Variants in WDR88 observed in about 807,000 individuals in gnomAD.
WDR88 encodes WD repeat domain 88.
Under a neutral mutation model 46.8 loss-of-function variants are expected in WDR88, and 40 were observed. That is an observed-to-expected ratio of 0.86 (90% CI 0.66 to 1.11). The LOEUF is 1.11. WDR88 is among the 50% of genes most tolerant of loss of function. WDR88 has a pLI of 0.00. For synonymous variants in WDR88, 235 were observed against 240.7 expected (o/e 0.98, Z 0.22); for missense variants, 562 against 602.4 (o/e 0.93, Z 0.70).
In WDR88 at chr19:33,161,221, G is replaced by A. The variant is rs116935381; in HGVS notation, c.1080+725G>A. On this transcript the variant is annotated intron_variant, in intron 8 of 10. Coordinates refer to ENST00000355868, the MANE Select transcript of WDR88 (RefSeq NM_173479.4). ...AACAGAAATTACCTTGAAGAGAGAC[G>A]CATGCCCTAGTGAGGCATGCACAGA... Among the ~76,000 whole-genome samples, 1,196 of 152,202 alleles carry A rather than the reference G, an allele frequency of 7.9e-3. 9 individuals carry two copies. The highest frequency in any genetic ancestry group is 0.034 in the Middle Eastern group (10 of 294).
intron 2 of WDR88, 143 bp downstream of exon 2, chr19:33,137,930 G>A (rs1973308573): frequency 3.0e-6 from 2 of 673,218 alleles, no homozygotes; most frequent in Non-Finnish European, 4.9e-6. Context: ...GCCAGAAGGA[G>A]GAGAGGGTGA....
In WDR88 at chr19:33,148,903, C is replaced by T; in HGVS notation, c.672C>T (p.Val224=). ...MDAENITTVS[V]IKDHHTRSIT... ...CCGAGAACATCACCACCGTTTCCGTCATCAAAGGTGAGGGTGTGCGGGCTC... is the reference window on the plus strand; with the variant it reads ...CCGAGAACATCACCACCGTTTCCGTTATCAAAGGTGAGGGTGTGCGGGCTC... The change falls in exon 5 of 11, where the codon GTC becomes GTT. Residue 224 remains valine, a synonymous_variant. Coordinates refer to ENST00000355868, the MANE Select transcript of WDR88 (RefSeq NM_173479.4). 6.2e-7 allele frequency: 1 copy of T among 1,614,070 alleles called. No individual in the cohort carries two copies. The highest frequency in any genetic ancestry group is 1.7e-4 in the Middle Eastern group (1 of 6,048).
chr19:33,135,277 C>G (rs909668303), intron 1 of WDR88, among the ~76,000 whole-genome samples: 1 of 152,104 alleles, frequency 6.6e-6, no homozygotes, highest in Non-Finnish European at 1.5e-5. Flanking sequence ...CCTTTTATAG[C>G]GATAGAATCA....
intron 3 of WDR88, among the ~76,000 whole-genome samples, chr19:33,145,412 A>G (rs1003257367): frequency 6.6e-6 from 1 of 152,108 alleles, no homozygotes; most frequent in African/African-American, 2.4e-5. Context: ...GGCATCCCAA[A>G]GTGCTGGAAT....
rs1973738817 is a variant in WDR88 at position 33,156,523 on chromosome 19, C to G, written c.978C>G (p.Ser326=). The G allele has an allele frequency of 6.2e-7, 1 of 1,613,452 alleles. No homozygotes were observed. Among genetic ancestry groups the G allele is most frequent in the African/African-American group, 1.3e-5 (1 of 74,870 alleles). Reference sequence around the variant, plus strand: ...AGGGCCATGAAGGTTCTGTCAGTTCCTGTCACTTTGCCAGAGACAGTGAGT... The same window carrying G: ...AGGGCCATGAAGGTTCTGTCAGTTCGTGTCACTTTGCCAGAGACAGTGAGT... ...LMQGHEGSVS[S]CHFARDSSFL... is the part of the protein sequence containing the mutation. Residue 326 remains serine, a synonymous_variant, in exon 7 of 11, where the codon TCC becomes TCG. Transcript: ENST00000355868.
At chr19:33,134,034 A>G (rs1251339872) in intron 1 of WDR88, among the ~76,000 whole-genome samples, 4 of 152,174 alleles carry the variant, frequency 2.6e-5, no homozygotes, top group Non-Finnish European at 5.9e-5. Flanking sequence ...CTTGAGGTTT[A>G]TTTGTGGAAT....
At chr19:33,141,691 T>C (rs1244524512) in intron 2 of WDR88, among the ~76,000 whole-genome samples, 1 of 152,142 alleles carries the variant, frequency 6.6e-6, no homozygotes, top group African/African-American at 2.4e-5. Context: ...TGTTTGTTTG[T>C]TTTTTTGAGA....
chr19:33,173,049 G>A (rs1370368072), intron 10 of WDR88, among the ~76,000 whole-genome samples: 4 of 130,410 alleles, frequency 3.1e-5, no homozygotes, highest in Middle Eastern at 5.1e-3. Flanking sequence ...TTGAGATTGC[G>A]CCACTGCACT....
At position 33,175,522 on chromosome 19, in the gene WDR88, T is replaced by A. The variant is rs771413024; in HGVS notation, c.1369T>A (p.Ser457Thr). The change falls in exon 11 of 11, where the codon TCA becomes ACA. Residue 457 changes from serine to threonine, a missense_variant. Coordinates refer to ENST00000355868, the MANE Select transcript of WDR88 (RefSeq NM_173479.4). ...LPADTSSSSS[S>T]SERENSPPPR... ...AGCAGATACTTCATCGTCATCATCA[T>A]CATCGGAAAGGGAGAACTCACCGCC... The A allele has an allele frequency of 7.4e-6, 12 of 1,614,224 alleles. No individual in the cohort carries two copies. Among genetic ancestry groups the A allele is most frequent in the Non-Finnish European group, 1.0e-5 (12 of 1,180,038 alleles).
chr19:33,157,328 C>A (rs1157157844), intron 7 of WDR88, among the ~76,000 whole-genome samples: 2 of 151,644 alleles, frequency 1.3e-5, no homozygotes, highest in African/African-American at 4.8e-5. Context: ...GAAACCCCAT[C>A]TCTACTAAAA....
chr19:33,174,146 C>T (rs1301679466), intron 10 of WDR88: 1 of 1,535,630 alleles, frequency 6.5e-7, no homozygotes, highest in Non-Finnish European at 8.7e-7. Flanking sequence ...GCTATCCGCA[C>T]CCAAACTGGG....
Position 33,157,585 on chromosome 19 carries a change from GTA to G in WDR88, c.997+1049_997+1050del, listed in dbSNP as rs1165489381. 1.4e-3 allele frequency among the ~76,000 whole-genome samples: 187 copies of G among 137,136 alleles called. 1 individual carries two copies. The highest frequency in any genetic ancestry group is 4.3e-3 in the African/African-American group (159 of 37,088). 90.0% of individuals were successfully genotyped at this position (137,136 alleles called of 152,430 possible). ...TATATGTATATATGTGTATATATAT[GTA>G]TATATGTGTATATATGTATATATAT... On this transcript the variant is annotated intron_variant, in intron 7 of 10. Coordinates refer to ENST00000355868, the MANE Select transcript of WDR88 (RefSeq NM_173479.4).
At chr19:33,144,489 C>T (rs1030125781) in intron 2 of WDR88, among the ~76,000 whole-genome samples, 1 of 152,132 alleles carries the variant, frequency 6.6e-6, no homozygotes, top group Non-Finnish European at 1.5e-5. Flanking sequence ...CGTGAGCCAC[C>T]GCGCCCGGCC....
chr19:33,172,218 C>A (rs1471355145), intron 9 of WDR88, 130 bp from the exon 10 acceptor site: 5 of 728,084 alleles, frequency 6.9e-6, no homozygotes, highest in Non-Finnish European at 1.2e-5. Flanking sequence ...TATGGCATAA[C>A]AATGTGCATT....
intron 9 of WDR88, among the ~76,000 whole-genome samples, chr19:33,167,452 C>T (rs1256108653): frequency 6.6e-6 from 1 of 152,036 alleles, no homozygotes; most frequent in Non-Finnish European, 1.5e-5. Context: ...AAATCTGCAG[C>T]TAACATGATT....
rs1568355276 is a variant in WDR88, at chr19:33,132,343, C to T, written c.174C>T (p.Leu58=). ...CGCACACGCACCTGCTGGCCACCCT[C>T]GACCCCCTGGCCTTGGACAGGGAAC... ...SIPHTHLLAT[L]DPLALDREPP... is the part of the protein sequence containing the mutation. Residue 58 remains leucine, a synonymous_variant, in exon 1 of 11, where the codon CTC becomes CTT. Transcript: ENST00000355868. 2 of 1,614,002 alleles carry T rather than the reference C, an allele frequency of 1.2e-6. No homozygotes were observed. The highest frequency in any genetic ancestry group is 2.2e-5 in the East Asian group (1 of 44,864).
rs571897581 is a variant in WDR88 at position 33,154,183 on chromosome 19, T to G, written c.810-2172T>G. 3.9e-4 allele frequency among the ~76,000 whole-genome samples: 59 copies of G among 152,218 alleles called. 1 individual carries two copies. In the South Asian group the frequency reaches 9.7e-3, roughly 25 times the overall value. ...ACCTCTGGTTTATTTATTTATTTAT[T>G]TATGTATTTATTTATTTAGAAATTG... On this transcript the variant is annotated intron_variant, in intron 6 of 10. Transcript: ENST00000355868.
intron 10 of WDR88, chr19:33,174,259 A>G (rs1157732137): frequency 6.5e-7 from 1 of 1,535,750 alleles, no homozygotes; most frequent in Non-Finnish European, 8.7e-7. Context: ...AATCAACATG[A>G]GAAGCCTGAG....
intron 9 of WDR88, among the ~76,000 whole-genome samples, chr19:33,167,741 T>TC (rs1173764511): frequency 1.1e-3 from 173 of 150,884 alleles, no homozygotes; most frequent in African/African-American, 3.9e-3. Flanking sequence ...TCCCTCCTCT[T>TC]TTCTCTTCTC....
Sources: allele counts gnomAD v4.1 joint callset (sites outside exome capture counted in the v4.1 genomes callset), GRCh38; gene constraint gnomAD v4.1.1; transcripts MANE v1.5; gene names NCBI Gene and HGNC (gene_info 2026-07-23, HGNC 2026-07-21).